Variants in FAT3 observed in about 807,000 individuals in gnomAD.
The protein encoded by FAT3 is protocadherin Fat 3.
A neutral mutation model predicts 310.2 loss-of-function variants in FAT3; 95 were observed. The ratio of observed to expected loss-of-function variants is 0.31; its 90% CI spans 0.26 to 0.36. The LOEUF (loss-of-function observed/expected upper bound fraction) is 0.36, where lower values mean the gene tolerates loss of function less well. Ranked by LOEUF, FAT3 falls within the 10% of genes least tolerant of loss-of-function variation. The pLI is 1.00. For synonymous variants in FAT3, 2,314 were observed against 2,192.9 expected, an observed-to-expected ratio of 1.06 and a Z score of -1.54; for missense variants, 5,408 against 5,715.6, an observed-to-expected ratio of 0.95 and a Z score of 1.74.
At chr11:92,253,842 C>T (rs191583636) in intron 1 of FAT3, among the ~76,000 whole-genome samples, 84 of 151,974 alleles carry the variant, frequency 5.5e-4, no homozygotes, top group African/African-American at 1.9e-3. Flanking sequence ...GTAAATGGTC[C>T]GGGATGAAAG....
At chr11:92,277,174 G>T (rs1946294899) in intron 1 of FAT3, among the ~76,000 whole-genome samples, 1 of 152,108 alleles carries the variant, frequency 6.6e-6, no homozygotes, top group South Asian at 2.1e-4. Flanking sequence ...TTGCTTCTGG[G>T]AAACCAAGTT....
At chr11:92,269,920 C>G (rs906579710) in intron 1 of FAT3, among the ~76,000 whole-genome samples, 1 of 152,114 alleles carries the variant, frequency 6.6e-6, no homozygotes, top group Non-Finnish European at 1.5e-5. Flanking sequence ...CATTTTCTTG[C>G]TGTCTGTTGA....
At chr11:92,374,190 C>T (rs1949275826) in intron 2 of FAT3, among the ~76,000 whole-genome samples, 1 of 152,282 alleles carries the variant, frequency 6.6e-6, no homozygotes, top group African/African-American at 2.4e-5. Context: ...CCGAAACACC[C>T]TCACTAACAT....
In FAT3 at chr11:92,809,976, C is replaced by A; in HGVS notation, c.9381C>A (p.Asn3127Lys). Residue 3127 changes from asparagine to lysine, a missense_variant, in exon 13 of 28, where the codon AAC (asparagine) becomes AAA (lysine). Physicochemically the swap from Asn to Lys is moderately conservative, Grantham distance 94 (BLOSUM62 0). Coordinates refer to ENST00000525166, the MANE Select transcript of FAT3 (RefSeq NM_001367949.2). ...IHLILEDVND[N>K]PPVFSSDHYN... ...TAATCCTGGAGGATGTGAATGATAA[C>A]CCCCCTGTGTTTTCTTCTGACCACT... is the stretch of plus-strand genomic sequence containing the variant. The A allele has an allele frequency of 1.2e-6, 2 of 1,613,878 alleles. No homozygotes were observed. Among genetic ancestry groups the A allele is most frequent in the Non-Finnish European group, 1.7e-6 (2 of 1,179,820 alleles).
At chr11:92,633,384 T>C (rs958893547) in intron 3 of FAT3, among the ~76,000 whole-genome samples, 2 of 152,074 alleles carry the variant, frequency 1.3e-5, no homozygotes, top group African/African-American at 4.8e-5. Context: ...ATCAGCCAAA[T>C]GTGTTGTCAG....
rs1391737533 is a variant in FAT3 at position 92,373,759 on chromosome 11, T to TGC, written c.3292+18356_3292+18357dup. 4.1e-5 allele frequency among the ~76,000 whole-genome samples: 5 copies of TGC among 122,992 alleles called. No individual in the cohort carries two copies. The Middle Eastern group carries it at 0.013, about 324-fold the overall frequency. The allele number at this position is 122,992 out of a possible 152,430, so 80.7% of individuals were successfully genotyped here. A position where few individuals can be genotyped will look rare whatever the true frequency, so the allele number is the denominator to read the frequency against. ...GAGACAGAACCAGTGGAGATATGTA[T>TGC]GCACACACACACACACACACACACA... On this transcript the variant is annotated intron_variant, in intron 2 of 27. Coordinates refer to ENST00000525166, the MANE Select transcript of FAT3 (RefSeq NM_001367949.2).
At chr11:92,878,669 C>CAAAAAAAA (rs1949599281) in intron 22 of FAT3, among the ~76,000 whole-genome samples, 1 of 11,784 alleles carries the variant, frequency 8.5e-5, no homozygotes, top group African/African-American at 4.1e-4. Flanking sequence ...AAAAAAAAAG[C>CAAAAAAAA]TCCGCACAAA....
chr11:92,539,947 G>GTCCT (rs1954385590), intron 3 of FAT3, among the ~76,000 whole-genome samples: 1 of 152,150 alleles, frequency 6.6e-6, no homozygotes, highest in Non-Finnish European at 1.5e-5. Context: ...CATGCTTGGT[G>GTCCT]TCCTTCTGTC....
chr11:92,676,036 G>C (rs1358882257), intron 3 of FAT3, among the ~76,000 whole-genome samples: 2 of 152,150 alleles, frequency 1.3e-5, no homozygotes, highest in South Asian at 4.2e-4. Context: ...AATAGGAGAG[G>C]GTGGCAATGA....
At chr11:92,372,370 A>G (rs12799255) in intron 2 of FAT3, among the ~76,000 whole-genome samples, 15,069 of 151,592 alleles carry the variant, frequency 0.099, 825 homozygotes, top group South Asian at 0.16. Flanking sequence ...GCCTGAGCAG[A>G]TCTCGGTGTT....
At chr11:92,456,253 T>C in intron 2 of FAT3, among the ~76,000 whole-genome samples, 1 of 152,186 alleles carries the variant, frequency 6.6e-6, no homozygotes, top group East Asian at 1.9e-4. Context: ...CAGTGTCTGG[T>C]CCATGGTAAA....
intron 3 of FAT3, among the ~76,000 whole-genome samples, chr11:92,599,591 C>G (rs546506757): frequency 1.1e-3 from 171 of 152,276 alleles, no homozygotes; most frequent in African/African-American, 4.0e-3. Context: ...CAAGCACCAA[C>G]CCCCATCATT....
At chr11:92,350,485 C>A in intron 1 of FAT3, among the ~76,000 whole-genome samples, 1 of 151,842 alleles carries the variant, frequency 6.6e-6, no homozygotes, top group South Asian at 2.1e-4. Context: ...TTGACTATTT[C>A]ATTAGAATTA....
intron 3 of FAT3, among the ~76,000 whole-genome samples, chr11:92,612,672 G>A (rs1940621266): frequency 6.6e-6 from 1 of 152,194 alleles, no homozygotes; most frequent in African/African-American, 2.4e-5. Flanking sequence ...TGTGGGGACA[G>A]TTTATACTGT....
rs1383103850 is a variant in FAT3, at chr11:92,459,384, G to A, written c.3293-65250G>A. Among the ~76,000 whole-genome samples the A allele has an allele frequency of 2.0e-5, 3 of 152,172 alleles. No individual in the cohort carries two copies. The East Asian group carries it at 5.8e-4, about 29-fold the overall frequency. ...GCACAGAGTGGTGGAAAGAGTGAAG[G>A]AGCAGCTTTCAGTGCCTCATTACAC... On this transcript the variant is annotated intron_variant, in intron 2 of 27. Coordinates refer to ENST00000525166, the MANE Select transcript of FAT3 (RefSeq NM_001367949.2).
chr11:92,829,754 C>A (rs1217232310), intron 13 of FAT3, among the ~76,000 whole-genome samples: 1 of 152,086 alleles, frequency 6.6e-6, no homozygotes, highest in Non-Finnish European at 1.5e-5. Flanking sequence ...CATCACAGGG[C>A]AGTTGTTTTG....
chr11:92,546,464 A>T (rs1954622084), intron 3 of FAT3, among the ~76,000 whole-genome samples: 1 of 152,196 alleles, frequency 6.6e-6, no homozygotes, highest in African/African-American at 2.4e-5. Flanking sequence ...AACAGTACCC[A>T]GAAGATTAAT....
chr11:92,699,215 G>A (rs1944024889), intron 4 of FAT3, among the ~76,000 whole-genome samples: 3 of 152,266 alleles, frequency 2.0e-5, no homozygotes, highest in Admixed American at 6.5e-5. Flanking sequence ...GGGGTGGGAA[G>A]TATGAAGAGA....
chr11:92,707,847 TC>T, intron 4 of FAT3, among the ~76,000 whole-genome samples: 1 of 152,348 alleles, frequency 6.6e-6, no homozygotes, highest in Non-Finnish European at 1.5e-5. Flanking sequence ...GTTGAGGACT[TC>T]ATATCTGTCT....
Sources: allele counts gnomAD v4.1 joint callset (sites outside exome capture counted in the v4.1 genomes callset), GRCh38; gene constraint gnomAD v4.1.1; transcripts MANE v1.5; gene names NCBI Gene and HGNC (gene_info 2026-07-23, HGNC 2026-07-21).